Variants in KALRN observed in about 807,000 individuals in gnomAD.
The protein encoded by KALRN is kalirin.
A neutral mutation model predicts 353.7 loss-of-function variants in KALRN; 70 were observed. The observed-to-expected ratio is 0.20, with a 90% CI of 0.16 to 0.24. The LOEUF (loss-of-function observed/expected upper bound fraction) is 0.24. KALRN is among the 10% of genes least tolerant of loss of function. The probability of loss-of-function intolerance (pLI) is 1.00; values close to 1 mark genes in which losing one functional copy is unlikely to be tolerated. For missense variants in KALRN, 2,791 were observed against 3,756.7 expected (o/e 0.74, Z 6.72); for synonymous variants, 1,391 against 1,434.8 (o/e 0.97, Z 0.69).
chr3:124,499,090 C>T (rs2064209539), intron 33 of KALRN, among the ~76,000 whole-genome samples: 1 of 152,116 alleles, frequency 6.6e-6, no homozygotes, highest in Non-Finnish European at 1.5e-5. Context: ...TAGAAAAATG[C>T]CCCAGTCTTC....
intron 27 of KALRN, among the ~76,000 whole-genome samples, chr3:124,480,855 T>C (rs1176612636): frequency 1.3e-5 from 2 of 152,230 alleles, no homozygotes; most frequent in Non-Finnish European, 2.9e-5. Flanking sequence ...GTTTTCAGAG[T>C]TCATCTGTGT....
At chr3:124,338,759 G>A (rs541105948) in intron 9 of KALRN, among the ~76,000 whole-genome samples, 1 of 152,198 alleles carries the variant, frequency 6.6e-6, no homozygotes, top group East Asian at 1.9e-4. Context: ...CACTATTATT[G>A]TGTGGGAGTC....
At chr3:124,642,825 T>TTTTTTTTTC in intron 37 of KALRN, among the ~76,000 whole-genome samples, 1 of 147,464 alleles carries the variant, frequency 6.8e-6, no homozygotes, top group African/African-American at 2.5e-5. Context: ...TTTTTTTTTT[T>TTTTTTTTTC]TGAGACGGAG....
intron 6 of KALRN, among the ~76,000 whole-genome samples, chr3:124,314,102 A>G (rs1048831009): frequency 8.5e-5 from 13 of 152,138 alleles, no homozygotes; most frequent in Non-Finnish European, 1.3e-4. Context: ...AACTAACCCA[A>G]ATGTCCATCA....
chr3:124,339,693 CT>C, intron 9 of KALRN, among the ~76,000 whole-genome samples: 1 of 152,222 alleles, frequency 6.6e-6, no homozygotes, highest in South Asian at 2.1e-4. Context: ...AACAAAATGT[CT>C]TGTAGATGCC....
intron 10 of KALRN, among the ~76,000 whole-genome samples, chr3:124,348,883 A>G (rs1195499877): frequency 1.3e-5 from 2 of 152,024 alleles, no homozygotes; most frequent in African/African-American, 4.8e-5. Flanking sequence ...ACACCCGGCT[A>G]ATTTTTTGTA....
chr3:124,075,773 C>T (rs1007213727), intron 1 of KALRN, among the ~76,000 whole-genome samples: 6 of 152,278 alleles, frequency 3.9e-5, no homozygotes, highest in African/African-American at 1.2e-4. Context: ...ATTTGGCATT[C>T]GGGTTTGGGG....
chr3:124,410,843 A>G (rs763112136), intron 13 of KALRN, among the ~76,000 whole-genome samples: 4 of 152,176 alleles, frequency 2.6e-5, no homozygotes, highest in African/African-American at 4.8e-5. Flanking sequence ...TTCCACCCCT[A>G]AGTAATTGTG....
intron 1 of KALRN, among the ~76,000 whole-genome samples, chr3:124,178,216 C>T (rs1253596633): frequency 6.6e-6 from 1 of 152,188 alleles, no homozygotes; most frequent in Non-Finnish European, 1.5e-5. Flanking sequence ...TTTCCAAGAA[C>T]TTCAGTGGAT....
chr3:124,548,741 C>T (rs1359152112), intron 33 of KALRN, among the ~76,000 whole-genome samples: 1 of 152,374 alleles, frequency 6.6e-6, no homozygotes, highest in Middle Eastern at 3.4e-3. Flanking sequence ...GCAACCTCCA[C>T]CTCCTGGGTT....
At chr3:124,379,274 A>G (rs1214226790) in intron 10 of KALRN, among the ~76,000 whole-genome samples, 1 of 152,164 alleles carries the variant, frequency 6.6e-6, no homozygotes, top group South Asian at 2.1e-4. Context: ...CATATGGAAT[A>G]CAATTATAAT....
intron 33 of KALRN, among the ~76,000 whole-genome samples, chr3:124,509,030 A>G (rs2065563468): frequency 6.6e-6 from 1 of 152,122 alleles, no homozygotes. Context: ...TATTTTTAGA[A>G]GTTCATATAT....
At chr3:124,523,775 ACTGT>A (rs1432500720) in intron 33 of KALRN, among the ~76,000 whole-genome samples, 1 of 152,188 alleles carries the variant, frequency 6.6e-6, no homozygotes, top group East Asian at 1.9e-4. Context: ...CCATGTCTGC[ACTGT>A]CTCCTCTTGG....
Position 124,551,160 on chromosome 3 carries a change from T to A in KALRN, c.4936-11683T>A, listed in dbSNP as rs181302302. 2.7e-3 allele frequency among the ~76,000 whole-genome samples: 414 copies of A among 152,024 alleles called. 2 individuals carry two copies. The highest frequency in any genetic ancestry group is 9.2e-3 in the African/African-American group (382 of 41,450). Reference sequence around the variant, plus strand: ...GAGGCATGATGTCATGAACCAGAGGTGAGGCATGGGGAAGCAGTCAGTCCC... The same window carrying A: ...GAGGCATGATGTCATGAACCAGAGGAGAGGCATGGGGAAGCAGTCAGTCCC... On this transcript the variant is annotated intron_variant, in intron 33 of 59. Transcript: ENST00000682506.
Position 124,112,351 on chromosome 3 carries a change from A to T in KALRN, c.73+78538A>T, listed in dbSNP as rs565538119. Among the ~76,000 whole-genome samples, 8 of 151,578 alleles carry T rather than the reference A, an allele frequency of 5.3e-5. No homozygotes were observed. The South Asian group carries it at 6.3e-4, about 12-fold the overall frequency. ...CCTCCAAAAACTTGGAAACATGAGC[A>T]TCCCTTCCCTAGCAGGGCAGAAGGT... On this transcript the variant is annotated intron_variant, in intron 1 of 59. Transcript: ENST00000682506.
At chr3:124,667,804 A>C (rs1288335476) in intron 47 of KALRN, among the ~76,000 whole-genome samples, 2 of 152,062 alleles carry the variant, frequency 1.3e-5, no homozygotes, top group Admixed American at 6.5e-5. Flanking sequence ...TGTGAACTGG[A>C]GTGAAGTAGA....
chr3:124,676,663 C>T (rs2150431863), intron 49 of KALRN, among the ~76,000 whole-genome samples: 1 of 152,326 alleles, frequency 6.6e-6, no homozygotes, highest in African/African-American at 2.4e-5. Flanking sequence ...AACACACCCC[C>T]ACAAGGACAC....
intron 13 of KALRN, among the ~76,000 whole-genome samples, chr3:124,410,890 C>T (rs771115027): frequency 5.9e-5 from 9 of 152,122 alleles, no homozygotes; most frequent in Non-Finnish European, 1.3e-4. Flanking sequence ...AGAAAGACTT[C>T]TATAAGAACT....
chr3:124,274,492 T>C (rs1202056077), intron 5 of KALRN, among the ~76,000 whole-genome samples: 1 of 152,232 alleles, frequency 6.6e-6, no homozygotes, highest in Non-Finnish European at 1.5e-5. Context: ...GGAGGCCCAT[T>C]TTTTAGCCTT....
Sources: allele counts gnomAD v4.1 joint callset (sites outside exome capture counted in the v4.1 genomes callset), GRCh38; gene constraint gnomAD v4.1.1; transcripts MANE v1.5; gene names NCBI Gene and HGNC (gene_info 2026-07-23, HGNC 2026-07-21).